GAS7: variants seen among roughly 807,000 people sequenced by gnomAD.
The protein encoded by GAS7 is growth arrest specific 7, also known as growth arrest-specific protein 7.
A neutral mutation model predicts 71.1 loss-of-function variants in GAS7; 28 were observed. The observed-to-expected ratio is 0.39, with a 90% CI of 0.29 to 0.54. The LOEUF (loss-of-function observed/expected upper bound fraction) is 0.54, where lower values mean the gene tolerates loss of function less well. Ranked by LOEUF, GAS7 falls within the 20% of genes least tolerant of loss-of-function variation. The pLI is 0.62. For synonymous variants in GAS7, 258 were observed against 245.8 expected (o/e 1.05, Z -0.46); for missense variants, 436 against 627.8 (o/e 0.69, Z 3.27).
chr17:10,179,618 A>T (rs1381879238), intron 1 of GAS7, among the ~76,000 whole-genome samples: 3 of 152,162 alleles, frequency 2.0e-5, no homozygotes, highest in Non-Finnish European at 4.4e-5. Flanking sequence ...TGGTCCAAAT[A>T]CACTATAACA....
intron 1 of GAS7, among the ~76,000 whole-genome samples, chr17:10,186,924 T>G (rs1314821847): frequency 6.6e-6 from 1 of 152,108 alleles, no homozygotes; most frequent in African/African-American, 2.4e-5. Context: ...GTAGCAGCAC[T>G]GAATTCAGTC....
intron 12 of GAS7, 48 bp from the exon 13 acceptor site, chr17:9,918,147 T>G (rs761474483): frequency 7.3e-7 from 1 of 1,378,778 alleles, no homozygotes; most frequent in Non-Finnish European, 1.0e-6. Flanking sequence ...TCCCCTCCAC[T>G]TGGGGGTCCC....
intron 1 of GAS7, among the ~76,000 whole-genome samples, chr17:10,032,812 C>T (rs927467279): frequency 3.9e-5 from 6 of 152,172 alleles, no homozygotes; most frequent in African/African-American, 1.2e-4. Flanking sequence ...GGTCTAGATA[C>T]CCTTTCATTT....
intron 1 of GAS7, among the ~76,000 whole-genome samples, chr17:10,062,894 T>C (rs536162434): frequency 1.3e-5 from 2 of 152,248 alleles, no homozygotes; most frequent in South Asian, 4.2e-4. Context: ...ATCCTGTGGG[T>C]AGCCGAGCAG....
chr17:9,942,898 A>C (rs1215684102), intron 7 of GAS7, among the ~76,000 whole-genome samples: 1 of 151,514 alleles, frequency 6.6e-6, no homozygotes, highest in Non-Finnish European at 1.5e-5. Flanking sequence ...AAATCTACCC[A>C]TTTTTTTAAG....
chr17:10,009,078 T>C (rs2071650887), intron 2 of GAS7, among the ~76,000 whole-genome samples: 1 of 151,996 alleles, frequency 6.6e-6, no homozygotes, highest in South Asian at 2.1e-4. Flanking sequence ...CCCAGCACTT[T>C]GGGAGGCCGA....
chr17:10,045,579 C>T (rs1038887769), intron 1 of GAS7, among the ~76,000 whole-genome samples: 2 of 151,710 alleles, frequency 1.3e-5, no homozygotes, highest in Admixed American at 6.6e-5. Context: ...CGCCTGTAAT[C>T]CCAGCTACTC....
At chr17:10,197,443 A>G (rs1190483668) in intron 1 of GAS7, among the ~76,000 whole-genome samples, 1 of 152,116 alleles carries the variant, frequency 6.6e-6, no homozygotes, top group East Asian at 1.9e-4. Context: ...TTCGGGTCTC[A>G]CTCAGGCTGT....
At chr17:10,163,286 T>C (rs1044410903) in intron 1 of GAS7, among the ~76,000 whole-genome samples, 2 of 151,964 alleles carry the variant, frequency 1.3e-5, no homozygotes, top group African/African-American at 2.4e-5. Flanking sequence ...ATTTTTGTAT[T>C]TTTTTAGTAG....
chr17:10,086,893 T>C (rs550919874), intron 1 of GAS7, among the ~76,000 whole-genome samples: 2 of 152,176 alleles, frequency 1.3e-5, no homozygotes, highest in African/African-American at 2.4e-5. Flanking sequence ...AGCCGTGTCA[T>C]ACAAGCCAAA....
intron 1 of GAS7, among the ~76,000 whole-genome samples, chr17:10,117,840 T>C (rs2073873753): frequency 1.3e-5 from 2 of 152,120 alleles, no homozygotes; most frequent in African/African-American, 4.8e-5. Context: ...GATCCTGTGT[T>C]TAAAGATCTG....
intron 3 of GAS7, among the ~76,000 whole-genome samples, chr17:9,980,626 A>G (rs2070377879): frequency 6.6e-6 from 1 of 152,220 alleles, no homozygotes; most frequent in African/African-American, 2.4e-5. Context: ...TCCACACACC[A>G]TAGGATGGTG....
intron 1 of GAS7, among the ~76,000 whole-genome samples, chr17:10,115,787 ACCGTGC>A (rs756052665): frequency 2.0e-5 from 3 of 151,812 alleles, no homozygotes; most frequent in Non-Finnish European, 4.4e-5. Flanking sequence ...TTCCCTTAAA[ACCGTGC>A]CCCACTCACC....
At chr17:9,936,516 G>C (rs889959705) in intron 8 of GAS7, among the ~76,000 whole-genome samples, 7 of 152,282 alleles carry the variant, frequency 4.6e-5, no homozygotes, top group African/African-American at 1.7e-4. Flanking sequence ...TCTACCTCCA[G>C]GCCAGACACT....
chr17:9,934,116 A>T, intron 9 of GAS7, 50 bp downstream of exon 9: 1 of 1,158,322 alleles, frequency 8.6e-7, no homozygotes. Context: ...ACTATTTTTT[A>T]GTACCCCAGT....
intron 1 of GAS7, among the ~76,000 whole-genome samples, chr17:10,167,480 G>C (rs964227916): frequency 1.3e-5 from 2 of 152,134 alleles, no homozygotes; most frequent in Non-Finnish European, 2.9e-5. Context: ...GAATGGGCTG[G>C]GCTGTAAGGG....
chr17:10,165,366 T>C (rs796597464), intron 1 of GAS7, among the ~76,000 whole-genome samples: 82 of 150,638 alleles, frequency 5.4e-4, no homozygotes, highest in African/African-American at 1.9e-3. Context: ...CATGATTTCA[T>C]CTTGCTGCTT....
chr17:9,948,779 C>T (rs535242408), intron 5 of GAS7, among the ~76,000 whole-genome samples: 6 of 152,296 alleles, frequency 3.9e-5, no homozygotes, highest in South Asian at 2.1e-4. Flanking sequence ...CTTTTCTGCC[C>T]GAGCACATCT....
At chr17:10,140,911 C>G (rs1229313786) in intron 1 of GAS7, among the ~76,000 whole-genome samples, 1 of 152,250 alleles carries the variant, frequency 6.6e-6, no homozygotes, top group Non-Finnish European at 1.5e-5. Flanking sequence ...CAGGGTCCCA[C>G]ACTGGCCACT....
Sources: gnomAD v4.1 joint callset for allele counts (sites outside exome capture counted in the v4.1 genomes callset) on GRCh38, gnomAD v4.1.1 for gene constraint, MANE v1.5 for transcripts, NCBI Gene and HGNC (gene_info 2026-07-23, HGNC 2026-07-21) for gene names.